Variants in LINGO2 observed in about 807,000 individuals in gnomAD.
LINGO2 encodes leucine-rich repeat and immunoglobulin-like domain-containing nogo receptor-interacting protein 2.
In LINGO2, 14 loss-of-function variants were observed where a neutral mutation model predicts 30.6. That is an observed-to-expected ratio of 0.46 (90% CI 0.30 to 0.72). The LOEUF is 0.72. LINGO2 is among the 30% of genes least tolerant of loss of function. The pLI is 0.07. For missense variants in LINGO2, 729 were observed against 751.7 expected, an observed-to-expected ratio of 0.97 and a Z score of 0.35; for synonymous variants, 317 against 288.5, an observed-to-expected ratio of 1.10 and a Z score of -1.00.
Position 28,421,487 on chromosome 9 carries a change from GA to G in LINGO2, c.-278-48620del, listed in dbSNP as rs55821781. 3.5e-5 allele frequency among the ~76,000 whole-genome samples: 5 copies of G among 142,854 alleles called. No individual in the cohort carries two copies. The East Asian group carries it at 8.2e-4, about 23-fold the overall frequency. 93.7% of individuals were successfully genotyped at this position (142,854 alleles called of 152,430 possible). A position where few individuals can be genotyped will look rare whatever the true frequency, so the allele number is the denominator to read the frequency against. On this transcript the variant is annotated intron_variant, in intron 2 of 5. Coordinates refer to ENST00000379992, the Ensembl canonical transcript of LINGO2. ...GACAACAAATAGCCAAAAACGTCTT[GA>G]AAAAAAAAACAAAGTTAGAGGTCTC... is the stretch of plus-strand genomic sequence containing the variant.
the LINGO2 span, among the ~76,000 whole-genome samples, chr9:29,085,576 C>T: frequency 2.6e-5 from 4 of 151,928 alleles, no homozygotes; most frequent in African/African-American, 9.7e-5. Flanking sequence ...TGAAGCAGAA[C>T]CTCTAATAGT....
chr9:28,121,283 T>C (rs925882818), intron 4 of LINGO2, among the ~76,000 whole-genome samples: 1 of 152,208 alleles, frequency 6.6e-6, no homozygotes, highest in African/African-American at 2.4e-5. Context: ...TCCGCTTTTC[T>C]GTAACTAAAC....
the LINGO2 span, among the ~76,000 whole-genome samples, chr9:29,157,631 T>C: frequency 6.6e-6 from 1 of 152,216 alleles, no homozygotes; most frequent in Admixed American, 6.5e-5. Flanking sequence ...AAGATATAAG[T>C]GGACAAGTAA....
intron 2 of LINGO2, among the ~76,000 whole-genome samples, chr9:28,419,884 A>T (rs77560429): frequency 0.013 from 1,947 of 152,170 alleles, 12 homozygotes; most frequent in Non-Finnish European, 0.02. Context: ...GTAATAAGTA[A>T]GGTGGCTGCC....
chr9:28,792,175 A>C, the LINGO2 span, among the ~76,000 whole-genome samples: 2 of 151,966 alleles, frequency 1.3e-5, no homozygotes, highest in African/African-American at 4.8e-5. Context: ...CTGTAAATAA[A>C]GATGCTTTTA....
chr9:29,068,014 C>T, the LINGO2 span, among the ~76,000 whole-genome samples: 2 of 151,700 alleles, frequency 1.3e-5, no homozygotes, highest in Non-Finnish European at 3.0e-5. Flanking sequence ...TTTTTAAAAT[C>T]CTGTTTTTAC....
At chr9:28,626,369 A>C (rs1369651647) in intron 1 of LINGO2, among the ~76,000 whole-genome samples, 1 of 152,072 alleles carries the variant, frequency 6.6e-6, no homozygotes, top group Non-Finnish European at 1.5e-5. Context: ...TTCATTAATA[A>C]AGTATTCTTT....
intron 1 of LINGO2, among the ~76,000 whole-genome samples, chr9:28,506,483 C>CAG (rs1364134154): frequency 0.26 from 6,004 of 23,190 alleles, 1,258 homozygotes; most frequent in Middle Eastern, 0.53. Context: ...CACACACATA[C>CAG]ACATACACAC....
chr9:28,359,780 G>A (rs778062588), intron 3 of LINGO2, among the ~76,000 whole-genome samples: 4 of 152,252 alleles, frequency 2.6e-5, no homozygotes, highest in East Asian at 1.9e-4. Context: ...TGCTTAATGC[G>A]TAACACTTTT....
chr9:28,312,034 C>T (rs552638370), intron 3 of LINGO2, among the ~76,000 whole-genome samples: 42 of 152,236 alleles, frequency 2.8e-4, no homozygotes, highest in Middle Eastern at 3.4e-3. Context: ...CCAGTCCCTC[C>T]GTTCGGGGTC....
intron 5 of LINGO2, among the ~76,000 whole-genome samples, chr9:27,982,085 C>A (rs1488360882): frequency 2.6e-5 from 4 of 151,786 alleles, no homozygotes; most frequent in Non-Finnish European, 5.9e-5. Context: ...TAAATTACAG[C>A]CTGCCTTATA....
intron 3 of LINGO2, among the ~76,000 whole-genome samples, chr9:28,356,560 C>T (rs979101937): frequency 4.6e-5 from 7 of 152,078 alleles, no homozygotes; most frequent in African/African-American, 1.7e-4. Context: ...GCTGTTTCTT[C>T]ATGGGAAAAA....
rs76810581 is a variant in LINGO2, at chr9:27,995,853, G to C, written c.-36+16502C>G. 8.7e-3 allele frequency among the ~76,000 whole-genome samples: 1,327 copies of C among 152,162 alleles called. 101 individuals are homozygous for C. In the East Asian group the frequency reaches 0.18, roughly 20 times the overall value. On this transcript the variant is annotated intron_variant, in intron 5 of 5. Coordinates refer to ENST00000379992, the Ensembl canonical transcript of LINGO2. ...ACTTATATTCAACATAGTACTAAAA[G>C]TTTTAGCAAAAGCAATTATACAGCA... is the stretch of plus-strand genomic sequence containing the variant.
the LINGO2 span, among the ~76,000 whole-genome samples, chr9:28,975,531 G>T: frequency 9.2e-5 from 14 of 152,276 alleles, no homozygotes; most frequent in South Asian, 2.9e-3. Flanking sequence ...AAATGGCACT[G>T]CTTCCTACAT....
chr9:28,377,773 C>A (rs1044166516), intron 2 of LINGO2, among the ~76,000 whole-genome samples: 1 of 152,046 alleles, frequency 6.6e-6, no homozygotes, highest in South Asian at 2.1e-4. Flanking sequence ...TTTCAGAAAA[C>A]TTAAAAGATT....
intron 1 of LINGO2, among the ~76,000 whole-genome samples, chr9:28,617,322 G>A (rs934902625): frequency 6.8e-6 from 1 of 147,798 alleles, no homozygotes; most frequent in African/African-American, 2.6e-5. Flanking sequence ...TCGAGACAGA[G>A]TCTCGCTCTG....
chr9:29,068,792 C>A, the LINGO2 span, among the ~76,000 whole-genome samples: 72 of 151,924 alleles, frequency 4.7e-4, no homozygotes, highest in African/African-American at 1.7e-3. Context: ...TACATTTAAT[C>A]TTAGAAATGG....
the LINGO2 span, among the ~76,000 whole-genome samples, chr9:28,959,704 C>T: frequency 8.5e-4 from 128 of 151,304 alleles, no homozygotes; most frequent in Admixed American, 3.6e-3. Flanking sequence ...CTATCTAATA[C>T]TGAATAGTGA....
At chr9:28,474,196 G>C (rs948523559) in intron 2 of LINGO2, among the ~76,000 whole-genome samples, 4 of 152,048 alleles carry the variant, frequency 2.6e-5, no homozygotes, top group Non-Finnish European at 5.9e-5. Flanking sequence ...AATTTTCTTT[G>C]GTAGTTTTGA....
Sources: allele counts gnomAD v4.1 joint callset (sites outside exome capture counted in the v4.1 genomes callset), GRCh38; gene constraint gnomAD v4.1.1; transcripts MANE v1.5; gene names NCBI Gene and HGNC (gene_info 2026-07-23, HGNC 2026-07-21).